The following ANO4 variants were observed in gnomAD, a reference collection of about 807,000 sequenced individuals.
ANO4 encodes the protein anoctamin-4.
In ANO4, 69 loss-of-function variants were observed where a neutral mutation model predicts 141.9. The ratio of observed to expected loss-of-function variants is 0.49; its 90% confidence interval spans 0.40 to 0.59. The LOEUF (loss-of-function observed/expected upper bound fraction) is 0.59, where lower values mean the gene tolerates loss of function less well. ANO4 is among the 20% of genes least tolerant of loss of function. The probability of loss-of-function intolerance (pLI) is 0.00; values close to 1 mark genes in which losing one functional copy is unlikely to be tolerated. For synonymous variants in ANO4, 350 were observed against 394.3 expected, an observed-to-expected ratio of 0.89 and a Z score of 1.33; for missense variants, 894 against 1,162.2, an observed-to-expected ratio of 0.77 and a Z score of 3.36.
chr12:101,117,601 TGAG>T (rs1385458938), intron 25 of ANO4, among the ~76,000 whole-genome samples: 1 of 152,210 alleles, frequency 6.6e-6, no homozygotes, highest in Non-Finnish European at 1.5e-5. Flanking sequence ...TCCCAGCACT[TGAG>T]GAGGCCAAGT....
chr12:101,031,503 T>C (rs1030042741), intron 9 of ANO4, among the ~76,000 whole-genome samples: 3 of 152,100 alleles, frequency 2.0e-5, no homozygotes, highest in Non-Finnish European at 2.9e-5. Context: ...CTGGAAACAT[T>C]CCCTTTGAAA....
chr12:100,721,167 T>C (rs2030846995), intron 1 of ANO4, among the ~76,000 whole-genome samples: 1 of 151,182 alleles, frequency 6.6e-6, no homozygotes, highest in Non-Finnish European at 1.5e-5. Flanking sequence ...AAACTCAATG[T>C]GTCCAAAACA....
At chr12:101,126,035 C>CTTAAG (rs111930767) in intron 26 of ANO4, among the ~76,000 whole-genome samples, 10,799 of 152,038 alleles carry the variant, frequency 0.071, 1,163 homozygotes, top group African/African-American at 0.24. Flanking sequence ...AAAAGGCTGC[C>CTTAAG]TTATTTGGCT....
intron 3 of ANO4, among the ~76,000 whole-genome samples, chr12:100,769,035 C>A (rs1267399386): frequency 6.6e-6 from 1 of 152,168 alleles, no homozygotes; most frequent in Admixed American, 6.5e-5. Flanking sequence ...TGTCAAGTAG[C>A]TTCTCTGTTG....
chr12:100,982,809 TA>T (rs1383075091), intron 7 of ANO4, among the ~76,000 whole-genome samples: 1 of 152,254 alleles, frequency 6.6e-6, no homozygotes, highest in East Asian at 1.9e-4. Context: ...TACTAAAGGT[TA>T]TCATTAATTC....
chr12:100,919,179 A>C (rs1481400663), intron 2 of ANO4, among the ~76,000 whole-genome samples: 2 of 152,224 alleles, frequency 1.3e-5, no homozygotes, highest in Non-Finnish European at 2.9e-5. Context: ...ACAAAGTAAA[A>C]ACTTACCATA....
intron 3 of ANO4, among the ~76,000 whole-genome samples, chr12:100,778,496 TA>T (rs2033607797): frequency 1.3e-5 from 2 of 152,186 alleles, no homozygotes; most frequent in Non-Finnish European, 2.9e-5. Flanking sequence ...CCTAGTCAGA[TA>T]AAGTCCAGCA....
At chr12:100,963,518 G>A (rs1192473408) in intron 5 of ANO4, among the ~76,000 whole-genome samples, 1 of 152,110 alleles carries the variant, frequency 6.6e-6, no homozygotes, top group Non-Finnish European at 1.5e-5. Flanking sequence ...GTGTGTGTGT[G>A]TGTATGTGTT....
chr12:100,819,731 G>A (rs2035931712), intron 1 of ANO4, among the ~76,000 whole-genome samples: 1 of 151,948 alleles, frequency 6.6e-6, no homozygotes, highest in Non-Finnish European at 1.5e-5. Flanking sequence ...TTTTTTCTGA[G>A]TTTTTAATTT....
chr12:100,843,725 T>G (rs1270969380), intron 1 of ANO4, among the ~76,000 whole-genome samples: 1 of 152,164 alleles, frequency 6.6e-6, no homozygotes, highest in Non-Finnish European at 1.5e-5. Context: ...GAGAGAGGAA[T>G]GGCTCAACCA....
chr12:100,901,866 G>T (rs777280316), intron 2 of ANO4, 26 bp downstream of exon 2: 3 of 1,565,890 alleles, frequency 1.9e-6, no homozygotes, highest in African/African-American at 2.7e-5. Flanking sequence ...GTTCAACGGG[G>T]ACCCATTTCA....
In ANO4 at chr12:101,048,418, C is replaced by T. The variant is rs926291576; in HGVS notation, c.1312+17C>T. 1.3e-5 allele frequency: 21 copies of T among 1,610,008 alleles called. No individual in the cohort carries two copies. The highest frequency in any genetic ancestry group is 1.7e-5 in the Non-Finnish European group (20 of 1,176,810). Reference sequence around the variant, plus strand: ...CAGTCTGGGGTAAGTGTTCTATAACCATAAAACTTGAGTTTTCCTCATATG... The same window carrying T: ...CAGTCTGGGGTAAGTGTTCTATAACTATAAAACTTGAGTTTTCCTCATATG... On this transcript the variant is annotated intron_variant, in intron 14 of 27. Transcript: ENST00000392977.
At chr12:100,993,959 C>T (rs145180103) in intron 8 of ANO4, among the ~76,000 whole-genome samples, 42 of 152,312 alleles carry the variant, frequency 2.8e-4, no homozygotes, top group African/African-American at 1.0e-3. Context: ...GATTTCTCAG[C>T]CTCAGCACTA....
At chr12:101,066,997 C>CAAAAAAAAA (rs34416390) in intron 14 of ANO4, 96 of 181,322 alleles carry the variant, frequency 5.3e-4, no homozygotes, top group African/African-American at 1.7e-3. Context: ...TAAAGTATAA[C>CAAAAAAAAA]AAAAAAAAAA....
chr12:100,802,135 T>C (rs1593366642), intron 1 of ANO4, among the ~76,000 whole-genome samples: 1 of 152,202 alleles, frequency 6.6e-6, no homozygotes, highest in African/African-American at 2.4e-5. Context: ...CTGAGGTGCC[T>C]GTTAACAAAC....
Position 101,116,667 on chromosome 12 carries a change from C to T in ANO4, c.2451-12C>T, listed in dbSNP as rs998571759. 1 of 1,613,948 alleles carries T rather than the reference C, an allele frequency of 6.2e-7. No individual in the cohort carries two copies. Among genetic ancestry groups the T allele is most frequent in the African/African-American group, 1.3e-5 (1 of 74,884 alleles). ...TGAGTGTTCTAATGGTAGAATGTGCCTCCTCTTATAGGTGCATGGTTGGCT... is the reference window on the plus strand; with the variant it reads ...TGAGTGTTCTAATGGTAGAATGTGCTTCCTCTTATAGGTGCATGGTTGGCT... On this transcript the variant is annotated splice_polypyrimidine_tract_variant and intron_variant, in intron 24 of 27. Transcript: ENST00000392977.
intron 22 of ANO4, among the ~76,000 whole-genome samples, chr12:101,108,675 A>G (rs2050544717): frequency 6.6e-6 from 1 of 152,206 alleles, no homozygotes; most frequent in South Asian, 2.1e-4. Context: ...ATATATACAT[A>G]GTCATTCAAA....
At chr12:100,764,439 A>T (rs2032995933) in intron 3 of ANO4, among the ~76,000 whole-genome samples, 1 of 152,206 alleles carries the variant, frequency 6.6e-6, no homozygotes, top group Admixed American at 6.5e-5. Flanking sequence ...ATTTCATCTC[A>T]GGACATTTCT....
chr12:100,731,326 A>G (rs1484013665), intron 1 of ANO4, among the ~76,000 whole-genome samples: 1 of 152,178 alleles, frequency 6.6e-6, no homozygotes, highest in African/African-American at 2.4e-5. Context: ...ATTTATTGTA[A>G]TATTTTAAAA....
Sources: gnomAD v4.1 joint callset for allele counts (sites outside exome capture counted in the v4.1 genomes callset) on GRCh38, gnomAD v4.1.1 for gene constraint, MANE v1.5 for transcripts, NCBI Gene and HGNC (gene_info 2026-07-23, HGNC 2026-07-21) for gene names.